Variants in SMC6 observed in about 807,000 individuals in gnomAD.
SMC6 encodes structural maintenance of chromosomes 6, also known as structural maintenance of chromosomes protein 6.
Under a neutral mutation model 142.2 loss-of-function variants are expected in SMC6, and 79 were observed. The observed-to-expected ratio is 0.56, with a 90% CI of 0.46 to 0.67. The LOEUF (loss-of-function observed/expected upper bound fraction) is 0.67. Ranked by LOEUF, SMC6 falls within the 30% of genes least tolerant of loss-of-function variation. The pLI, the probability that SMC6 is intolerant of heterozygous loss-of-function variation, is 0.00. For missense variants in SMC6, 1,072 were observed against 1,284.0 expected (o/e 0.83, Z 2.52); for synonymous variants, 411 against 412.4 (o/e 1.00, Z 0.04).
In SMC6 at chr2:17,696,270, GA is replaced by G; in HGVS notation, c.2532+18del. ...GCTAAGGCTGAAAACAAAATAACTT[GA>G]AAAAAATGGTGAAAAACCTCTAGTT... On this transcript the variant is annotated intron_variant, in intron 22 of 27. Transcript: ENST00000448223. The G allele has an allele frequency of 2.5e-6, 4 of 1,576,912 alleles. No homozygotes were observed. Among genetic ancestry groups the G allele is most frequent in the East Asian group, 2.3e-5 (1 of 44,354 alleles).
Position 17,725,261 on chromosome 2 carries a change from T to C in SMC6, c.722A>G (p.Glu241Gly). ...TTACATTAACTGTTTACAAACCTCT[T>C]CTCCTTGATGTATCTGCTCCTTTGT... ...ERTKEQIHQG[E>G]ERLTELKRQC... Residue 241 changes from glutamate (E) to glycine (G), a missense_variant, in exon 9 of 28, where the codon GAA becomes GGA. By Grantham distance (98) the Glu-to-Gly change is moderately conservative. Coordinates refer to ENST00000448223, the MANE Select transcript of SMC6 (RefSeq NM_001142286.2). 6.2e-7 allele frequency: 1 copy of C among 1,602,518 alleles called. No individual in the cohort carries two copies.
At chr2:17,721,363 C>T (rs1024966007) in intron 9 of SMC6, 102 bp from the exon 10 acceptor site, 1 of 1,103,604 alleles carries the variant, frequency 9.1e-7, no homozygotes, top group Non-Finnish European at 1.2e-6. Flanking sequence ...ACAAGTACTA[C>T]ATAAATATTC....
In SMC6 at chr2:17,753,061, A is replaced by C; in HGVS notation, c.-89T>G. The stretch of plus-strand genomic sequence containing the variant: ...CCCAATTGGGATTCTTCTCCGGTTC[A>C]TTTCTGTAAGAAATGAGGGCAGAGA... On this transcript the variant is annotated 5_prime_UTR_variant, in exon 2 of 28. The change abolishes an upstream ATG in the 5' untranslated region. Transcript: ENST00000448223. 1 of 981,894 alleles carries C rather than the reference A, an allele frequency of 1.0e-6. No homozygotes were observed. The highest frequency in any genetic ancestry group is 1.2e-6 in the Non-Finnish European group (1 of 826,740). 60.8% of individuals were successfully genotyped at this position (981,894 alleles called of 1,614,324 possible).
intron 7 of SMC6, among the ~76,000 whole-genome samples, chr2:17,728,323 C>T (rs1669733612): frequency 6.6e-6 from 1 of 152,132 alleles, no homozygotes; most frequent in African/African-American, 2.4e-5. Context: ...GTAGTACCAG[C>T]TCTCAGGAGG....
rs2710674 is a variant in SMC6, at chr2:17,665,325, A to T, written c.*174T>A. 298,444 of 391,596 alleles carry T rather than the reference A, an allele frequency of 0.76. 120,089 individuals are homozygous for T. Among genetic ancestry groups the T allele is most frequent in the Middle Eastern group, 0.88 (1,519 of 1,732 alleles). The allele number at this position is 391,596 out of a possible 1,614,324, so 24.3% of individuals were successfully genotyped here. ...TAAAGTAATAGTAATCTTAAATTGC[A>T]GGTTGTAGTTGGTTTTCCAGGCTTA... On this transcript the variant is annotated 3_prime_UTR_variant, in exon 28 of 28. Transcript: ENST00000448223.
chr2:17,745,834 G>T lies in SMC6; in HGVS notation c.113C>A (p.Thr38Asn), dbSNP rs143978525. The T allele has an allele frequency of 7.1e-5, 115 of 1,608,668 alleles. No individual in the cohort carries two copies. In the African/African-American group the frequency reaches 1.4e-3, roughly 19 times the overall value. The change falls in exon 3 of 28, where the codon ACT becomes AAT. Residue 38 changes from threonine to asparagine, a missense_variant. Physicochemically the swap from Thr to Asn is moderately conservative, Grantham distance 65. Transcript: ENST00000448223. The part of the protein sequence containing the change: ...KDGDEDECKG[T>N]TLTAAEVGII... ...TTGTAATTTTTCGCTTACCAAAGTA[G>T]TACCTTTACATTCGTCTTCGTCACC... is the stretch of plus-strand genomic sequence containing the variant.
At chr2:17,690,252 A>G (rs998112149) in intron 23 of SMC6, among the ~76,000 whole-genome samples, 2 of 152,228 alleles carry the variant, frequency 1.3e-5, no homozygotes, top group African/African-American at 4.8e-5. Flanking sequence ...AATGAAAATC[A>G]GAAAGAACAT....
chr2:17,696,470 T>G (rs1667991987), intron 21 of SMC6, 44 bp from the exon 22 acceptor site: 3 of 1,584,760 alleles, frequency 1.9e-6, no homozygotes, highest in African/African-American at 2.7e-5. Context: ...TAAAAAAATT[T>G]CCAGCATAGG....
intron 5 of SMC6, among the ~76,000 whole-genome samples, 198 bp from the exon 6 acceptor site, chr2:17,732,075 T>C (rs1259969280): frequency 6.6e-6 from 1 of 152,110 alleles, no homozygotes; most frequent in African/African-American, 2.4e-5. Context: ...AAAAATAAAG[T>C]TGAGAATAAG....
In SMC6 at chr2:17,731,781, G is replaced by C. The variant is rs201328220; in HGVS notation, c.441C>G (p.Ser147Arg). 20 of 1,613,606 alleles carry C rather than the reference G, an allele frequency of 1.2e-5. No individual in the cohort carries two copies. Among genetic ancestry groups the C allele is most frequent in the Non-Finnish European group, 1.6e-5 (19 of 1,179,794 alleles). ...GNSILIQQHI[S>R]IDGSRSYKLK... The stretch of plus-strand genomic sequence containing the variant: ...GTTTATAAGATCGACTTCCATCTAT[G>C]CTGATGTGTTGCTGTATAAGTATAG... The change falls in exon 6 of 28, where the codon AGC becomes AGG. Residue 147 changes from serine (S) to arginine (R), a missense_variant. By Grantham distance (110) the Ser-to-Arg change is moderately radical. Around this residue, in one of 3 missense-constraint regions of SMC6, gnomAD observed 994 missense variants for 1,153.2 expected, o/e 0.86. Transcript: ENST00000448223.
At chr2:17,702,798 C>G (rs956379181) in intron 19 of SMC6, among the ~76,000 whole-genome samples, 1 of 152,006 alleles carries the variant, frequency 6.6e-6, no homozygotes, top group African/African-American at 2.4e-5. Flanking sequence ...GCTGCCGCCA[C>G]GTAAGATGTG....
chr2:17,715,204 A>G, intron 15 of SMC6, 139 bp from the exon 16 acceptor site: 1 of 780,398 alleles, frequency 1.3e-6, no homozygotes, highest in Non-Finnish European at 2.0e-6. Flanking sequence ...TCATTTAATC[A>G]TAGTTTATAA....
chr2:17,703,714 TCTTC>T (rs1480774128), intron 18 of SMC6, among the ~76,000 whole-genome samples: 6 of 152,164 alleles, frequency 3.9e-5, no homozygotes, highest in Non-Finnish European at 8.8e-5. Context: ...ATATATTTTC[TCTTC>T]CTTATGATTT....
chr2:17,713,648 C>G, intron 16 of SMC6: 1 of 397,898 alleles, frequency 2.5e-6, no homozygotes, highest in South Asian at 1.9e-5. Context: ...GCTAGTCACT[C>G]TAACCAGAAA....
intron 7 of SMC6, among the ~76,000 whole-genome samples, chr2:17,730,777 T>C (rs1049102482): frequency 1.3e-5 from 2 of 151,458 alleles, no homozygotes; most frequent in African/African-American, 2.4e-5. Context: ...TAATTTTTTT[T>C]TTTTTTTTGT....
chr2:17,738,329 A>G lies in SMC6; in HGVS notation c.239-3T>C, dbSNP rs1367449611. ...TGTGAGTACTGCACTCTTCCCACCT[A>G]AAGAAACAGATGTTGAAGAAATCAC... On this transcript the variant is annotated splice_region_variant and splice_polypyrimidine_tract_variant and intron_variant, in intron 4 of 27. Transcript: ENST00000448223. The G allele has an allele frequency of 1.3e-6, 2 of 1,597,502 alleles. No individual in the cohort carries two copies. The highest frequency in any genetic ancestry group is 1.4e-5 in the African/African-American group (1 of 73,984).
At chr2:17,743,359 A>T (rs564863898) in intron 3 of SMC6, among the ~76,000 whole-genome samples, 5 of 152,200 alleles carry the variant, frequency 3.3e-5, no homozygotes, top group African/African-American at 1.2e-4. Context: ...TCAGCACAGT[A>T]TAATTTTCAC....
At position 17,721,171 on chromosome 2, in the gene SMC6, A is replaced by T. The variant is rs1669354564; in HGVS notation, c.817T>A (p.Ser273Thr). 6.2e-7 allele frequency: 1 copy of T among 1,611,790 alleles called. No homozygotes were observed. The highest frequency in any genetic ancestry group is 1.7e-5 in the Admixed American group (1 of 59,562). ...GCCCAAGCCATTTCATGTTTCAAGG[A>T]CTCTAAATTAGTCTTCATTGTACTT... The part of the protein sequence containing the change: ...GLSTMKTNLE[S>T]LKHEMAWAVV... Residue 273 changes from serine to threonine, a missense_variant, in exon 10 of 28, where the codon TCC (serine) becomes ACC (threonine). Transcript: ENST00000448223.
intron 11 of SMC6, among the ~76,000 whole-genome samples, chr2:17,719,376 G>C (rs879490805): frequency 6.6e-6 from 1 of 152,144 alleles, no homozygotes; most frequent in African/African-American, 2.4e-5. Context: ...CACACAATGT[G>C]AAAGGCTTTA....
Sources: allele counts gnomAD v4.1 joint callset (sites outside exome capture counted in the v4.1 genomes callset), GRCh38; gene constraint gnomAD v4.1.1; regional missense constraint gnomAD v4.1.1; transcripts MANE v1.5; gene names NCBI Gene and HGNC (gene_info 2026-07-23, HGNC 2026-07-21).